The following GNB1 variants were observed in gnomAD, a reference collection of about 807,000 sequenced individuals.
GNB1 encodes guanine nucleotide-binding protein G(I)/G(S)/G(T) subunit beta-1.
A neutral mutation model predicts 42.9 loss-of-function variants in GNB1; 2 were observed. That is an observed-to-expected ratio of 0.05 (90% confidence interval 0.02 to 0.15). The LOEUF is 0.15. Ranked by LOEUF, GNB1 falls within the 10% of genes least tolerant of loss-of-function variation. GNB1 has a pLI of 1.00. For synonymous variants in GNB1, 183 were observed against 174.7 expected, an observed-to-expected ratio of 1.05 and a Z score of -0.38; for missense variants, 193 against 462.2, an observed-to-expected ratio of 0.42 and a Z score of 5.34.
intron 3 of GNB1, among the ~76,000 whole-genome samples, chr1:1,819,927 A>T (rs765389330): frequency 3.9e-5 from 6 of 152,218 alleles, no homozygotes; most frequent in Non-Finnish European, 7.3e-5. Flanking sequence ...TGCAGCCCTT[A>T]CAGGCGTGCG....
chr1:1,865,898 GGTT>G (rs1473864718), intron 1 of GNB1, among the ~76,000 whole-genome samples: 1 of 151,078 alleles, frequency 6.6e-6, no homozygotes, highest in Non-Finnish European at 1.5e-5. Flanking sequence ...TTTGTTTTTT[GGTT>G]GTTGTTTTTT....
chr1:1,819,088 C>T (rs1646895874), intron 3 of GNB1, among the ~76,000 whole-genome samples: 1 of 151,590 alleles, frequency 6.6e-6, no homozygotes, highest in Admixed American at 6.6e-5. Context: ...ATCAAAGTTA[C>T]TAGAAAATAG....
chr1:1,814,797 CAAAAAAAA>C lies in GNB1; in HGVS notation c.203+951_203+958del, dbSNP rs66588627. On this transcript the variant is annotated intron_variant, in intron 5 of 11. Coordinates refer to ENST00000378609, the MANE Select transcript of GNB1 (RefSeq NM_002074.5). ...AGCATGACTGAGTGAGACCCTGTCT[CAAAAAAAA>C]AAAAAAAAAAAAAAAGAAAAAAAGA... 7.5e-4 allele frequency among the ~76,000 whole-genome samples: 58 copies of C among 77,592 alleles called. 1 individual carries two copies. The highest frequency in any genetic ancestry group is 2.1e-3 in the South Asian group (5 of 2,390). The allele number at this position is 77,592 out of a possible 152,430, so 50.9% of individuals were successfully genotyped here.
At chr1:1,802,442 G>A (rs987149343) in intron 7 of GNB1, among the ~76,000 whole-genome samples, 1 of 152,084 alleles carries the variant, frequency 6.6e-6, no homozygotes, top group Admixed American at 6.6e-5. Flanking sequence ...GCACTCACAA[G>A]GATATTAAAA....
At chr1:1,827,106 G>C (rs1175408429) in intron 2 of GNB1, among the ~76,000 whole-genome samples, 1 of 152,192 alleles carries the variant, frequency 6.6e-6, no homozygotes, top group African/African-American at 2.4e-5. Flanking sequence ...CTAACTGATA[G>C]CAGTTATTTT....
intron 2 of GNB1, among the ~76,000 whole-genome samples, chr1:1,828,968 A>G (rs1347433254): frequency 6.6e-6 from 1 of 152,204 alleles, no homozygotes; most frequent in Non-Finnish European, 1.5e-5. Flanking sequence ...CAGTCCACAC[A>G]TAGAAGTGAT....
chr1:1,890,740 T>A (rs867062247), intron 1 of GNB1, 80 bp downstream of exon 1: 1 of 145,682 alleles, frequency 6.9e-6, no homozygotes, highest in African/African-American at 2.5e-5. Context: ...GCGGGTGGGG[T>A]GGGGGCGGGG....
chr1:1,797,310 C>G (rs1215332615), intron 7 of GNB1, among the ~76,000 whole-genome samples: 1 of 152,038 alleles, frequency 6.6e-6, no homozygotes, highest in Non-Finnish European at 1.5e-5. Context: ...AGTTACAGAA[C>G]GACAGTATAA....
chr1:1,801,494 G>T (rs575079236), intron 7 of GNB1, among the ~76,000 whole-genome samples: 1 of 152,178 alleles, frequency 6.6e-6, no homozygotes, highest in Non-Finnish European at 1.5e-5. Context: ...CCGTGTGGCT[G>T]TGAGTTCCTT....
Position 1,801,445 on chromosome 1 carries a change from T to C in GNB1, c.430+2974A>G, listed in dbSNP as rs558500109. ...TAATAACACACACAGGTGTGATGCATATGAAAACCACAAGAGTGAGCAAGG... is the reference window on the plus strand; with the variant it reads ...TAATAACACACACAGGTGTGATGCACATGAAAACCACAAGAGTGAGCAAGG... On this transcript the variant is annotated intron_variant, in intron 7 of 11. Transcript: ENST00000378609. 3.9e-5 allele frequency among the ~76,000 whole-genome samples: 6 copies of C among 152,292 alleles called. No individual in the cohort carries two copies. In the East Asian group the frequency reaches 5.8e-4, roughly 15 times the overall value.
At chr1:1,852,060 G>C (rs1648015038) in intron 1 of GNB1, among the ~76,000 whole-genome samples, 1 of 151,120 alleles carries the variant, frequency 6.6e-6, no homozygotes, top group African/African-American at 2.4e-5. Flanking sequence ...AATAAATAAA[G>C]AGACATTCAC....
At chr1:1,805,730 C>A (rs543716257) in intron 6 of GNB1, among the ~76,000 whole-genome samples, 1 of 151,788 alleles carries the variant, frequency 6.6e-6, no homozygotes, top group African/African-American at 2.4e-5. Context: ...TTAGTAGAGA[C>A]GAGGTTTCAC....
At chr1:1,820,349 C>T (rs1454186182) in intron 3 of GNB1, among the ~76,000 whole-genome samples, 4 of 109,576 alleles carry the variant, frequency 3.7e-5, no homozygotes, top group African/African-American at 1.6e-4. Flanking sequence ...CAGAGCGAGA[C>T]TCTGTTTAAA....
At chr1:1,813,274 A>G (rs1402483885) in intron 5 of GNB1, among the ~76,000 whole-genome samples, 1 of 151,866 alleles carries the variant, frequency 6.6e-6, no homozygotes, top group Non-Finnish European at 1.5e-5. Flanking sequence ...TGCCCAGCTA[A>G]TTTTTAAATT....
At chr1:1,828,570 A>G (rs906210353) in intron 2 of GNB1, among the ~76,000 whole-genome samples, 1 of 152,188 alleles carries the variant, frequency 6.6e-6, no homozygotes, top group Admixed American at 6.6e-5. Context: ...TGACCTCACA[A>G]AATTTCAGAA....
intron 1 of GNB1, among the ~76,000 whole-genome samples, chr1:1,865,418 C>T (rs1334632214): frequency 1.3e-5 from 2 of 151,370 alleles, no homozygotes; most frequent in African/African-American, 4.9e-5. Context: ...AACCCCATCT[C>T]TACTAAAAAT....
chr1:1,829,468 G>C (rs1035323956), intron 2 of GNB1, among the ~76,000 whole-genome samples: 1 of 152,196 alleles, frequency 6.6e-6, no homozygotes. Flanking sequence ...CAGGAGTTCA[G>C]GCACAGCAGT....
intron 4 of GNB1, among the ~76,000 whole-genome samples, chr1:1,816,894 T>G (rs1646864870): frequency 6.6e-6 from 1 of 152,136 alleles, no homozygotes; most frequent in South Asian, 2.1e-4. Context: ...GTGATCCACC[T>G]GCCTCGGCCT....
chr1:1,831,608 C>T (rs1467415392), intron 2 of GNB1, among the ~76,000 whole-genome samples: 3 of 151,868 alleles, frequency 2.0e-5, no homozygotes, highest in Non-Finnish European at 4.4e-5. Context: ...ACCACCACAC[C>T]TGGCTAATTT....
Sources: allele counts gnomAD v4.1 joint callset (sites outside exome capture counted in the v4.1 genomes callset), GRCh38; gene constraint gnomAD v4.1.1; transcripts MANE v1.5; gene names NCBI Gene and HGNC (gene_info 2026-07-23, HGNC 2026-07-21).